The following ME3 variants were observed in gnomAD, a reference collection of about 807,000 sequenced individuals.
The protein encoded by ME3 is NADP-dependent malic enzyme, mitochondrial.
A neutral mutation model predicts 68.9 loss-of-function variants in ME3; 48 were observed. The observed-to-expected ratio is 0.70, with a 90% CI of 0.55 to 0.89. The LOEUF is 0.89. Among genes scored for constraint, ME3 ranks in the 40% least tolerant of loss-of-function variants. The pLI is 0.00. For missense variants in ME3, 675 were observed against 797.4 expected (o/e 0.85, Z 1.85); for synonymous variants, 320 against 318.8 (o/e 1.00, Z -0.04).
intron 2 of ME3, among the ~76,000 whole-genome samples, chr11:86,638,650 C>G (rs1944487863): frequency 6.6e-6 from 1 of 152,144 alleles, no homozygotes; most frequent in Non-Finnish European, 1.5e-5. Context: ...TGGGGGCCTA[C>G]AATGTGTCAG....
intron 4 of ME3, among the ~76,000 whole-genome samples, chr11:86,509,373 G>A (rs1176036411): frequency 6.7e-6 from 1 of 150,096 alleles, no homozygotes; most frequent in African/African-American, 2.5e-5. Context: ...AGAGAGGTTA[G>A]TGACAGTCTT....
At chr11:86,505,263 G>T (rs571473740) in intron 5 of ME3, among the ~76,000 whole-genome samples, 6 of 152,238 alleles carry the variant, frequency 3.9e-5, no homozygotes, top group Admixed American at 3.3e-4. Flanking sequence ...TAGGGGTGGG[G>T]GGGGAGGAAC....
intron 2 of ME3, among the ~76,000 whole-genome samples, chr11:86,643,456 A>G (rs674481): frequency 0.98 from 149,679 of 152,202 alleles, 73,643 homozygotes; most frequent in Non-Finnish European, 1. Flanking sequence ...TCTTCCCAGG[A>G]AATCCCAATC....
At chr11:86,618,719 C>CTT (rs1173272488) in intron 2 of ME3, among the ~76,000 whole-genome samples, 80 of 137,374 alleles carry the variant, frequency 5.8e-4, no homozygotes, top group Non-Finnish European at 6.8e-4. Context: ...GAGATCTGGT[C>CTT]TTTTTTTTTT....
chr11:86,460,860 T>C (rs1436513031), intron 8 of ME3, among the ~76,000 whole-genome samples: 1 of 152,256 alleles, frequency 6.6e-6, no homozygotes, highest in Non-Finnish European at 1.5e-5. Context: ...CCATGTTGGC[T>C]CATTAGTCCT....
rs35429348 is a variant in ME3 at position 86,564,462 on chromosome 11, G to GAAAA, written c.184-4643_184-4640dup. 3.0e-3 allele frequency among the ~76,000 whole-genome samples: 322 copies of GAAAA among 106,518 alleles called. 3 individuals carry two copies. Among genetic ancestry groups the GAAAA allele is most frequent in the African/African-American group, 8.3e-3 (258 of 31,262 alleles). The allele number at this position is 106,518 out of a possible 152,430, so 69.9% of individuals were successfully genotyped here. A position where few individuals can be genotyped will look rare whatever the true frequency, so the allele number is the denominator to read the frequency against. ...TTTGAAACTTACTACAAAGCTACAG[G>GAAAA]AAAAAAAAAAAAAACAGTGTGGGAC... On this transcript the variant is annotated intron_variant, in intron 2 of 14. Coordinates refer to ENST00000543262, the Ensembl canonical transcript of ME3.
At chr11:86,437,279 A>C (rs1312365706), downstream of ME3, 1 of 152,128 alleles carries the variant, frequency 6.6e-6, no homozygotes, top group Non-Finnish European at 1.5e-5. Flanking sequence ...GCACATATAT[A>C]TTCATTTTCT....
exon 6 of ME3, chr11:86,497,983 C>T: frequency 1.2e-6 from 2 of 1,604,786 alleles, no homozygotes; most frequent in Non-Finnish European, 1.7e-6. Context: ...GTGCCGACGT[C>T]CAGCAGCACA....
chr11:86,657,374 A>C (rs1421363551), intron 2 of ME3, among the ~76,000 whole-genome samples: 1 of 151,886 alleles, frequency 6.6e-6, no homozygotes, highest in African/African-American at 2.4e-5. Context: ...AGGAACAGCA[A>C]ACCAAACACC....
intron 2 of ME3, among the ~76,000 whole-genome samples, chr11:86,661,799 C>A (rs1227718663): frequency 6.6e-6 from 1 of 152,116 alleles, no homozygotes; most frequent in Admixed American, 6.6e-5. Flanking sequence ...CTCACTTGCA[C>A]CCCTCTTACG....
chr11:86,514,019 C>T (rs1953719731), intron 4 of ME3, among the ~76,000 whole-genome samples: 1 of 152,130 alleles, frequency 6.6e-6, no homozygotes, highest in African/African-American at 2.4e-5. Flanking sequence ...TCCCCACATG[C>T]AGAGAGAGGG....
At chr11:86,596,022 G>C (rs1959395584) in intron 2 of ME3, among the ~76,000 whole-genome samples, 1 of 152,112 alleles carries the variant, frequency 6.6e-6, no homozygotes, top group African/African-American at 2.4e-5. Flanking sequence ...ACAATCCCAG[G>C]CTTTGGCATT....
At chr11:86,614,291 C>T (rs1942799799) in intron 2 of ME3, among the ~76,000 whole-genome samples, 1 of 152,202 alleles carries the variant, frequency 6.6e-6, no homozygotes, top group African/African-American at 2.4e-5. Context: ...AAGACTATTA[C>T]AACACTGGAG....
chr11:86,495,496 C>T (rs535005661), intron 6 of ME3, among the ~76,000 whole-genome samples: 1 of 152,158 alleles, frequency 6.6e-6, no homozygotes, highest in Non-Finnish European at 1.5e-5. Flanking sequence ...TGCCTAAGGC[C>T]AGCTTTTAGA....
intron 4 of ME3, among the ~76,000 whole-genome samples, chr11:86,534,403 G>C (rs77293682): frequency 3.9e-5 from 6 of 152,006 alleles, no homozygotes; most frequent in Non-Finnish European, 8.8e-5. Context: ...GGCTGGGCGA[G>C]GTGGCTTACG....
At chr11:86,672,034 C>T in intron 1 of ME3, 76 bp from the exon 2 acceptor site, 1 of 1,203,420 alleles carries the variant, frequency 8.3e-7, no homozygotes, top group Non-Finnish European at 1.1e-6. Context: ...GGGCACCGGG[C>T]CTGATCCGGG....
intron 8 of ME3, among the ~76,000 whole-genome samples, chr11:86,458,219 G>A (rs780872645): frequency 6.6e-6 from 1 of 152,198 alleles, no homozygotes; most frequent in Admixed American, 6.5e-5. Context: ...GCTAGGCCTT[G>A]AATAAATAAA....
chr11:86,644,436 C>A (rs1304482057), intron 2 of ME3, among the ~76,000 whole-genome samples: 4 of 152,174 alleles, frequency 2.6e-5, no homozygotes, highest in Admixed American at 2.0e-4. Context: ...TACACAGACT[C>A]CCAGGCCTGG....
At chr11:86,442,611 G>T (rs1949061009) in intron 14 of ME3, among the ~76,000 whole-genome samples, 1 of 152,038 alleles carries the variant, frequency 6.6e-6, no homozygotes, top group African/African-American at 2.4e-5. Context: ...GGAAATCCAG[G>T]AGCTTTCCCA....
Sources: allele counts gnomAD v4.1 joint callset (sites outside exome capture counted in the v4.1 genomes callset), GRCh38; gene constraint gnomAD v4.1.1; transcripts MANE v1.5; gene names NCBI Gene and HGNC (gene_info 2026-07-23, HGNC 2026-07-21).